The following PDE4DIP variants were observed in gnomAD, a reference collection of about 807,000 sequenced individuals.
PDE4DIP encodes the protein phosphodiesterase 4D interacting protein.
Under a neutral mutation model 221.4 loss-of-function variants are expected in PDE4DIP, and 59 were observed. The observed-to-expected ratio is 0.27, with a 90% CI of 0.22 to 0.33. The LOEUF is 0.33. Ranked by LOEUF, PDE4DIP falls within the 10% of genes least tolerant of loss-of-function variation. The pLI is 1.00. For missense variants in PDE4DIP, 1,036 were observed against 2,154.2 expected (o/e 0.48, Z 10.28); for synonymous variants, 404 against 815.9 (o/e 0.50, Z 8.60).
intron 5 of PDE4DIP, among the ~76,000 whole-genome samples, chr1:148,940,776 G>A (rs1401753007): frequency 1.3e-5 from 2 of 148,148 alleles, no homozygotes; most frequent in Admixed American, 6.7e-5. Context: ...TTGGGTCTAC[G>A]TCTTATGGGA....
At chr1:148,985,744 T>C (rs1195944244) in intron 21 of PDE4DIP, 2 of 152,130 alleles carry the variant, frequency 1.3e-5, no homozygotes, top group Non-Finnish European at 2.9e-5. Context: ...ATTCCAGAAG[T>C]AAAAATCTTT....
chr1:148,948,530 T>C (rs1269606933), intron 5 of PDE4DIP, among the ~76,000 whole-genome samples: 1 of 150,918 alleles, frequency 6.6e-6, no homozygotes, highest in African/African-American at 2.4e-5. Context: ...ATTGGGTCTT[T>C]TACAGAATTT....
chr1:148,929,522 C>T, intron 2 of PDE4DIP: 1 of 429,648 alleles, frequency 2.3e-6, no homozygotes, highest in Non-Finnish European at 4.3e-6. Context: ...TATCAGTCAG[C>T]AATCAACTAA....
In PDE4DIP at chr1:148,956,543, G is replaced by A. The variant is rs1309304007; in HGVS notation, c.637-4111G>A. Among the ~76,000 whole-genome samples, 5 of 152,138 alleles carry A rather than the reference G, an allele frequency of 3.3e-5. No homozygotes were observed. In the East Asian group the frequency reaches 7.7e-4, roughly 23 times the overall value. On this transcript the variant is annotated intron_variant, in intron 5 of 43. Coordinates refer to ENST00000369354, the Ensembl canonical transcript of PDE4DIP. ...AGGCTGTTCAGATATCTAAAGAAAG[G>A]TTTGAAGCCTTCTTCTAGCTGGTAA...
At chr1:148,973,381 C>A (rs1699785) in intron 16 of PDE4DIP, among the ~76,000 whole-genome samples, 1 of 149,684 alleles carries the variant, frequency 6.7e-6, no homozygotes, top group Non-Finnish European at 1.5e-5. Context: ...CCGCCCTCCT[C>A]GGCCTCCCAA....
At chr1:149,000,150 A>C in intron 23 of PDE4DIP, among the ~76,000 whole-genome samples, 1 of 152,262 alleles carries the variant, frequency 6.6e-6, no homozygotes, top group African/African-American at 2.4e-5. Context: ...AGACTCCTGG[A>C]TTCTGAGAAA....
At chr1:148,963,275 G>A (rs1344996340) in intron 9 of PDE4DIP, among the ~76,000 whole-genome samples, 1 of 152,204 alleles carries the variant, frequency 6.6e-6, no homozygotes, top group African/African-American at 2.4e-5. Flanking sequence ...GGAAAAAACA[G>A]TATACACAGG....
chr1:148,933,009 A>C lies in PDE4DIP; in HGVS notation c.518+721A>C, dbSNP rs2996429. 2.0e-5 allele frequency among the ~76,000 whole-genome samples: 3 copies of C among 152,138 alleles called. No homozygotes were observed. In the East Asian group the frequency reaches 5.8e-4, roughly 29 times the overall value. ...GAGTGTGAACCTTCACCAGACATTG[A>C]ACCTGTCAGTGACTTGATCTAGGAC... is the stretch of plus-strand genomic sequence containing the variant. On this transcript the variant is annotated intron_variant, in intron 4 of 43. Transcript: ENST00000369354.
At chr1:148,915,217 G>A (rs61065957) in intron 1 of PDE4DIP, among the ~76,000 whole-genome samples, 9 of 152,030 alleles carry the variant, frequency 5.9e-5, no homozygotes, top group Admixed American at 1.3e-4. Flanking sequence ...GTGCAATCTC[G>A]GCTCACTACA....
At chr1:148,994,636 A>G (rs1468005975) in intron 22 of PDE4DIP, among the ~76,000 whole-genome samples, 2 of 152,246 alleles carry the variant, frequency 1.3e-5, no homozygotes, top group Non-Finnish European at 2.9e-5. Flanking sequence ...AGCTAATTAC[A>G]TATTCATAAA....
At chr1:148,963,701 CTTTTCT>C in intron 9 of PDE4DIP, among the ~76,000 whole-genome samples, 1 of 148,040 alleles carries the variant, frequency 6.8e-6, no homozygotes, top group South Asian at 2.2e-4. Flanking sequence ...ATATACGATT[CTTTTCT>C]TTTCTTTTCT....
At chr1:148,982,448 G>C (rs1267831002) in intron 21 of PDE4DIP, 3 of 152,160 alleles carry the variant, frequency 2.0e-5, no homozygotes, top group African/African-American at 7.2e-5. Context: ...TGAAGTGCTA[G>C]AATAGTTTAG....
At chr1:148,987,101 A>G (rs2062044213) in intron 21 of PDE4DIP, among the ~76,000 whole-genome samples, 1 of 152,344 alleles carries the variant, frequency 6.6e-6, no homozygotes. Flanking sequence ...GGCCTTTTCA[A>G]GTAACTTAAA....
chr1:148,941,039 C>T (rs587614395), intron 5 of PDE4DIP, among the ~76,000 whole-genome samples: 100 of 96,668 alleles, frequency 1.0e-3, no homozygotes, highest in African/African-American at 3.9e-3. Flanking sequence ...CAAGAAACAC[C>T]CCCACAAAAT....
At chr1:148,982,584 T>G (rs1453661524) in intron 21 of PDE4DIP, 1 of 152,196 alleles carries the variant, frequency 6.6e-6, no homozygotes, top group Non-Finnish European at 1.5e-5. Flanking sequence ...ATGTCAAGTG[T>G]GAAAAGTAAC....
chr1:148,930,789 C>T (rs1573650527), intron 2 of PDE4DIP: 1 of 145,360 alleles, frequency 6.9e-6, no homozygotes, highest in East Asian at 2.0e-4. Flanking sequence ...AGGTAATCTA[C>T]AGATTCAACA....
chr1:148,893,055 ATGTGTGTGTCTG>A (rs1219588400), intron 1 of PDE4DIP, among the ~76,000 whole-genome samples: 6 of 77,728 alleles, frequency 7.7e-5, no homozygotes, highest in South Asian at 6.1e-4. Flanking sequence ...TTATATATAT[ATGTGTGTGTCTG>A]TGTGTGTGTG....
intron 20 of PDE4DIP, among the ~76,000 whole-genome samples, chr1:148,980,552 A>G (rs1553541721): frequency 6.6e-6 from 1 of 152,192 alleles, no homozygotes; most frequent in African/African-American, 2.4e-5. Context: ...GGTCACATAT[A>G]TGATACCTCT....
intron 1 of PDE4DIP, among the ~76,000 whole-genome samples, chr1:148,829,017 AACAC>A (rs5777522): frequency 0.018 from 2,520 of 140,188 alleles, 16 homozygotes; most frequent in African/African-American, 0.034. Context: ...TTCCTGCATA[AACAC>A]ACACACACAC....
Sources: allele counts gnomAD v4.1 joint callset (sites outside exome capture counted in the v4.1 genomes callset), GRCh38; gene constraint gnomAD v4.1.1; transcripts MANE v1.5; gene names NCBI Gene and HGNC (gene_info 2026-07-23, HGNC 2026-07-21).